The following AHNAK variants were observed in gnomAD, a reference collection of about 807,000 sequenced individuals.
AHNAK encodes neuroblast differentiation-associated protein AHNAK.
A neutral mutation model predicts 37.8 loss-of-function variants in AHNAK; 23 were observed. That is an observed-to-expected ratio of 0.61 (90% confidence interval 0.44 to 0.86). The LOEUF (loss-of-function observed/expected upper bound fraction) is 0.86. Ranked by LOEUF, AHNAK falls within the 40% of genes least tolerant of loss-of-function variation. The pLI, the probability that AHNAK is intolerant of heterozygous loss-of-function variation, is 0.00. For synonymous variants in AHNAK, 2,481 were observed against 2,636.3 expected (o/e 0.94, Z 1.80); for missense variants, 7,411 against 7,319.4 (o/e 1.01, Z -0.46).
At chr11:62,513,626 C>T (rs1466228097), downstream of AHNAK, among the ~76,000 whole-genome samples, 1 of 152,090 alleles carries the variant, frequency 6.6e-6, no homozygotes, top group African/African-American at 2.4e-5. Context: ...ATGGGCAGGG[C>T]GAGGGAGCTG....
rs2134190984 is a variant in AHNAK, at chr11:62,517,608, G to A, written c.16809C>T (p.Ser5603=). The A allele has an allele frequency of 1.9e-6, 3 of 1,614,152 alleles. No individual in the cohort carries two copies. In the Middle Eastern group the frequency reaches 4.9e-4, roughly 266 times the overall value. The change falls in exon 5 of 5, where the codon TCC becomes TCT. Residue 5603 remains serine (S), a synonymous_variant. Transcript: ENST00000378024. ...TAGATGTGTCCAAGTTGAGAGCAGAGGAGACTTGGGGTCCCTTCCACTCAC... is the reference window on the plus strand; with the variant it reads ...TAGATGTGTCCAAGTTGAGAGCAGAAGAGACTTGGGGTCCCTTCCACTCAC... ...SGGEWKGPQV[S]SALNLDTSKF... is the part of the protein sequence containing the mutation.
chr11:62,520,725 A>C lies in AHNAK; in HGVS notation c.13692T>G (p.Thr4564=). The change falls in exon 5 of 5, where the codon ACT becomes ACG. Residue 4564 remains threonine (T), a synonymous_variant. Transcript: ENST00000378024. ...CTGGACCATGAATGTCAATATCAGGAGTGTCAATGCCCACTTTAGGGCCTT... is the reference window on the plus strand; with the variant it reads ...CTGGACCATGAATGTCAATATCAGGCGTGTCAATGCCCACTTTAGGGCCTT... ...DVKGPKVGID[T]PDIDIHGPEG... is the part of the protein sequence containing the mutation. 6.2e-7 allele frequency: 1 copy of C among 1,614,052 alleles called. No homozygotes were observed. Among genetic ancestry groups the C allele is most frequent in the African/African-American group, 1.3e-5 (1 of 74,996 alleles).
intron 5 of AHNAK, among the ~76,000 whole-genome samples, chr11:62,452,480 C>A (rs1318587402): frequency 2.0e-5 from 3 of 152,158 alleles, no homozygotes; most frequent in Non-Finnish European, 2.9e-5. Flanking sequence ...TTCTTACGAG[C>A]TGCTATTATT....
At chr11:62,446,610 C>T (rs1938427003) in intron 5 of AHNAK, among the ~76,000 whole-genome samples, 1 of 152,094 alleles carries the variant, frequency 6.6e-6, no homozygotes, top group Admixed American at 6.6e-5. Flanking sequence ...AGCCCACTGT[C>T]ACACAAAGGA....
At chr11:62,440,868 A>G (rs532566783) in intron 5 of AHNAK, among the ~76,000 whole-genome samples, 129 of 152,318 alleles carry the variant, frequency 8.5e-4, no homozygotes, top group African/African-American at 3.0e-3. Context: ...TAAACACTTT[A>G]TAAATACTAT....
At position 62,530,344 on chromosome 11, in the gene AHNAK, T is replaced by C; in HGVS notation, c.4073A>G (p.Asp1358Gly). ...AATGTCAACTTTGGGCCCTTTAATG[T>C]CAACATCTGGCACTTTCATTTCACC... Reference protein sequence around the residue: ...VEGEMKVPDVDIKGPKVDISA... With the variant: ...VEGEMKVPDVGIKGPKVDISA... The change falls in exon 5 of 5, where the codon GAC (aspartate) becomes GGC (glycine). Residue 1358 changes from aspartate to glycine, a missense_variant. Transcript: ENST00000378024. 6.2e-7 allele frequency: 1 copy of C among 1,613,886 alleles called. No homozygotes were observed. Among genetic ancestry groups the C allele is most frequent in the Non-Finnish European group, 8.5e-7 (1 of 1,179,978 alleles).
chr11:62,473,418 G>A (rs1433027105), intron 5 of AHNAK, among the ~76,000 whole-genome samples: 16 of 139,898 alleles, frequency 1.1e-4, no homozygotes, highest in South Asian at 4.5e-4. Context: ...AAAAAAGGCT[G>A]GGTGCGGTGG....
chr11:62,513,868 G>A (rs1939959379), downstream of AHNAK, among the ~76,000 whole-genome samples: 1 of 152,144 alleles, frequency 6.6e-6, no homozygotes. Flanking sequence ...GAGATCACTG[G>A]CCTCGCCATC....
At chr11:62,470,171 G>A (rs1441485292) in intron 5 of AHNAK, among the ~76,000 whole-genome samples, 2 of 151,650 alleles carry the variant, frequency 1.3e-5, no homozygotes, top group Non-Finnish European at 2.9e-5. Context: ...TGTGTGGCCA[G>A]GTGCAGTGGC....
chr11:62,444,898 G>A (rs1938392860), intron 5 of AHNAK, among the ~76,000 whole-genome samples: 1 of 152,222 alleles, frequency 6.6e-6, no homozygotes, highest in Non-Finnish European at 1.5e-5. Flanking sequence ...AGGCAGCCCA[G>A]CCAAGGGGCA....
chr11:62,479,016 C>T (rs1265841488), intron 5 of AHNAK, among the ~76,000 whole-genome samples: 1 of 152,084 alleles, frequency 6.6e-6, no homozygotes, highest in African/African-American at 2.4e-5. Flanking sequence ...GCTGGAACTA[C>T]AGACACATGC....
rs1940627664 is a variant in AHNAK at position 62,529,147 on chromosome 11, A to G, written c.5270T>C (p.Ile1757Thr). ...TTTCAACTTTCCTTCTGGTCCCTCA[A>G]TATCCAAATCAGGAGCATCAGTGTC... ...SVDTDAPDLDIEGPEGKLKGS... is the reference protein window; with the variant it reads ...SVDTDAPDLDTEGPEGKLKGS... Residue 1757 changes from isoleucine to threonine, a missense_variant, in exon 5 of 5, where the codon ATT (isoleucine) becomes ACT (threonine). Physicochemically the swap from Ile to Thr is moderately conservative, Grantham distance 89. Coordinates refer to ENST00000378024, the MANE Select transcript of AHNAK (RefSeq NM_001620.3). The G allele has an allele frequency of 8.1e-6, 13 of 1,614,064 alleles. No individual in the cohort carries two copies. The East Asian group carries it at 2.9e-4, about 36-fold the overall frequency.
chr11:62,518,297 G>GA lies in AHNAK; in HGVS notation c.16119dup (p.Leu5374SerfsTer6). 6.2e-7 allele frequency: 1 copy of GA among 1,614,182 alleles called. No homozygotes were observed. The highest frequency in any genetic ancestry group is 8.5e-7 in the Non-Finnish European group (1 of 1,180,040). Reference sequence around the variant, plus strand: ...CATTTGATGTCACCAGAGACAGCCAGATCTCCCTGCAGGCTTGGTCCCCTC... The same window carrying GA: ...CATTTGATGTCACCAGAGACAGCCAGAATCTCCCTGCAGGCTTGGTCCCCTC... On this transcript the variant is annotated frameshift_variant, in exon 5 of 5. Coordinates refer to ENST00000378024, the MANE Select transcript of AHNAK (RefSeq NM_001620.3). LOFTEE classifies it high-confidence loss of function.
intron 5 of AHNAK, among the ~76,000 whole-genome samples, chr11:62,474,064 T>C (rs1476705002): frequency 6.6e-6 from 1 of 151,960 alleles, no homozygotes; most frequent in Non-Finnish European, 1.5e-5. Context: ...TCACTGTACA[T>C]TGTATACATA....
Position 62,535,090 on chromosome 11 carries a change from C to T in AHNAK, c.255G>A (p.Lys85=). The part of the protein sequence containing the change: ...NTMGHHTVGL[K]LHRKGDRSPE... ...GAGAGCGGTCCCCCTTGCGGTGCAG[C>T]TTCAGGCCCACCGTGTGGTGCCCCA... The change falls in exon 4 of 5, where the codon AAG becomes AAA. Residue 85 remains lysine, a synonymous_variant. Transcript: ENST00000378024. The T allele has an allele frequency of 2.5e-6, 4 of 1,614,054 alleles. No homozygotes were observed. Among genetic ancestry groups the T allele is most frequent in the Non-Finnish European group, 3.4e-6 (4 of 1,179,984 alleles).
intron 5 of AHNAK, among the ~76,000 whole-genome samples, chr11:62,465,245 T>C (rs1938884000): frequency 6.6e-6 from 1 of 152,062 alleles, no homozygotes; most frequent in Non-Finnish European, 1.5e-5. Flanking sequence ...TCGAAAGATA[T>C]GTTGAACTCC....
In AHNAK at chr11:62,519,766, T is replaced by A; in HGVS notation, c.14651A>T (p.Asp4884Val). The change falls in exon 5 of 5, where the codon GAT (aspartate) becomes GTT (valine). Residue 4884 changes from aspartate to valine, a missense_variant. Asp to Val is a radical substitution (Grantham distance 152). Transcript: ENST00000378024. ...VEGTLKGPEV[D>V]LKGPRLDFEG... ...GAAATCCAGACGTGGACCTTTAAGA[T>A]CTACTTCTGGGCCTTTCAAAGTCCC... 11 of 1,613,016 alleles carry A rather than the reference T, an allele frequency of 6.8e-6. No individual in the cohort carries two copies. The highest frequency in any genetic ancestry group is 9.3e-6 in the Non-Finnish European group (11 of 1,179,468).
chr11:62,490,178 C>A (rs761738529), intron 5 of AHNAK, among the ~76,000 whole-genome samples: 1 of 145,604 alleles, frequency 6.9e-6, no homozygotes, highest in Non-Finnish European at 1.5e-5. Context: ...TTGAGGGAGG[C>A]TTTCTTTCTT....
chr11:62,536,450 G>A lies in AHNAK; in HGVS notation c.-1+19C>T, dbSNP rs145872811. The A allele has an allele frequency of 3.9e-3, 829 of 214,954 alleles. 6 individuals carry two copies. Among genetic ancestry groups the A allele is most frequent in the African/African-American group, 0.018 (780 of 43,624 alleles). The allele number at this position is 214,954 out of a possible 1,614,324, so 13.3% of individuals were successfully genotyped here. A position where few individuals can be genotyped will look rare whatever the true frequency, so the allele number is the denominator to read the frequency against. On this transcript the variant is annotated intron_variant, in intron 2 of 4. Transcript: ENST00000378024. ...CATCCCGTCACCTCCGCCTCTCTCT[G>A]CCTCTCCCACCTACTGACCTTTGCA...
Sources: gnomAD v4.1 joint callset for allele counts (sites outside exome capture counted in the v4.1 genomes callset) on GRCh38, gnomAD v4.1.1 for gene constraint, MANE v1.5 for transcripts, NCBI Gene and HGNC (gene_info 2026-07-23, HGNC 2026-07-21) for gene names.